HECW2: variants seen among roughly 807,000 people sequenced by gnomAD.
HECW2 encodes E3 ubiquitin-protein ligase HECW2.
A neutral mutation model predicts 175.2 loss-of-function variants in HECW2; 61 were observed. The observed-to-expected ratio is 0.35, with a 90% confidence interval of 0.28 to 0.43. HECW2 has a LOEUF of 0.43. Ranked by LOEUF, HECW2 falls within the 20% of genes least tolerant of loss-of-function variation. The pLI is 1.00. For synonymous variants in HECW2, 671 were observed against 731.0 expected, an observed-to-expected ratio of 0.92 and a Z score of 1.32; for missense variants, 1,524 against 2,000.5, an observed-to-expected ratio of 0.76 and a Z score of 4.54.
intron 1 of HECW2, among the ~76,000 whole-genome samples, chr2:196,541,389 G>C (rs1057383051): frequency 9.9e-5 from 15 of 152,084 alleles, no homozygotes; most frequent in African/African-American, 3.4e-4. Context: ...GCTCTGGAAA[G>C]GTTTAGTAAA....
At chr2:196,273,762 T>C (rs1418705925) in intron 16 of HECW2, among the ~76,000 whole-genome samples, 1 of 152,204 alleles carries the variant, frequency 6.6e-6, no homozygotes, top group African/African-American at 2.4e-5. Flanking sequence ...TTAACTTCAA[T>C]AATCTAATAT....
chr2:196,357,923 T>G (rs969509674), intron 2 of HECW2, among the ~76,000 whole-genome samples: 1 of 152,230 alleles, frequency 6.6e-6, no homozygotes, highest in African/African-American at 2.4e-5. Flanking sequence ...TGTGTATAAA[T>G]TATCCAGTCT....
intron 2 of HECW2, among the ~76,000 whole-genome samples, chr2:196,369,968 A>T (rs1016811394): frequency 6.6e-6 from 1 of 151,774 alleles, no homozygotes; most frequent in Non-Finnish European, 1.5e-5. Context: ...GCCATCTAAA[A>T]GCCAAGACCT....
intron 1 of HECW2, among the ~76,000 whole-genome samples, chr2:196,433,855 C>G (rs376505260): frequency 6.6e-6 from 1 of 152,258 alleles, no homozygotes; most frequent in South Asian, 2.1e-4. Context: ...TTTAAAATAG[C>G]GAGACACATG....
chr2:196,573,106 C>T (rs75664299), intron 1 of HECW2, among the ~76,000 whole-genome samples: 10 of 151,996 alleles, frequency 6.6e-5, no homozygotes, highest in African/African-American at 2.4e-4. Flanking sequence ...GTTTCAAGAT[C>T]TAAAAAAGAA....
intron 21 of HECW2, among the ~76,000 whole-genome samples, chr2:196,232,990 T>C (rs1298995865): frequency 6.6e-6 from 1 of 152,236 alleles, no homozygotes; most frequent in Non-Finnish European, 1.5e-5. Flanking sequence ...TAGAACTGCC[T>C]ATCTGAGAGC....
chr2:196,257,645 G>A, intron 18 of HECW2, 178 bp downstream of exon 18: 1 of 585,396 alleles, frequency 1.7e-6, no homozygotes, highest in South Asian at 2.1e-5. Context: ...TGTAACAAAT[G>A]GCAACGTGAA....
rs572017631 is a variant in HECW2, at chr2:196,394,338, T to A, written c.292+38794A>T. 5.4e-3 allele frequency among the ~76,000 whole-genome samples: 819 copies of A among 152,016 alleles called. 8 individuals are homozygous for A. The highest frequency in any genetic ancestry group is 0.02 in the Middle Eastern group (6 of 294). On this transcript the variant is annotated intron_variant, in intron 2 of 28. Coordinates refer to ENST00000644978, the MANE Select transcript of HECW2 (RefSeq NM_001348768.2). Reference sequence around the variant, plus strand: ...AGAAAAGAAAATGATCCCAGAAAAATAGTACAGGTGGTAAATGTAAAGATA... The same window carrying A: ...AGAAAAGAAAATGATCCCAGAAAAAAAGTACAGGTGGTAAATGTAAAGATA...
chr2:196,230,103 G>A (rs1043341938), intron 21 of HECW2, among the ~76,000 whole-genome samples: 1 of 152,168 alleles, frequency 6.6e-6, no homozygotes, highest in Non-Finnish European at 1.5e-5. Flanking sequence ...GCCCTCTGGG[G>A]CAGCTGAATA....
At chr2:196,435,038 G>A (rs1450682549) in intron 1 of HECW2, among the ~76,000 whole-genome samples, 1 of 152,204 alleles carries the variant, frequency 6.6e-6, no homozygotes, top group Non-Finnish European at 1.5e-5. Flanking sequence ...TATAGCACTT[G>A]CAAATGTATT....
chr2:196,209,433 T>C (rs1687183997), intron 28 of HECW2, among the ~76,000 whole-genome samples: 1 of 152,194 alleles, frequency 6.6e-6, no homozygotes, highest in African/African-American at 2.4e-5. Context: ...ATGTGATGGG[T>C]TAACTCTGGC....
chr2:196,462,497 A>C (rs1696786836), intron 1 of HECW2, among the ~76,000 whole-genome samples: 3 of 152,330 alleles, frequency 2.0e-5, no homozygotes, highest in Middle Eastern at 3.4e-3. Context: ...TGCTTTAATC[A>C]GATCTTAGGT....
chr2:196,506,482 C>T (rs1309965626), intron 1 of HECW2, among the ~76,000 whole-genome samples: 2 of 151,996 alleles, frequency 1.3e-5, no homozygotes, highest in Non-Finnish European at 2.9e-5. Context: ...CATTGAAGAC[C>T]TGGTATACAC....
chr2:196,274,184 C>T, intron 15 of HECW2, 61 bp from the exon 16 acceptor site: 1 of 1,237,566 alleles, frequency 8.1e-7, no homozygotes, highest in Non-Finnish European at 1.2e-6. Flanking sequence ...ATATCAGCAT[C>T]CCAAACCAAG....
At chr2:196,335,095 T>C (rs1382229465) in intron 3 of HECW2, among the ~76,000 whole-genome samples, 2 of 152,218 alleles carry the variant, frequency 1.3e-5, no homozygotes, top group African/African-American at 4.8e-5. Flanking sequence ...AGTGACAGGA[T>C]CTGTAAATTT....
intron 1 of HECW2, among the ~76,000 whole-genome samples, chr2:196,505,267 A>G (rs905371095): frequency 1.3e-5 from 2 of 152,322 alleles, no homozygotes; most frequent in East Asian, 3.9e-4. Context: ...GGCCAGGCAC[A>G]GTGGCTCACG....
At chr2:196,578,002 A>T (rs966523191) in intron 1 of HECW2, among the ~76,000 whole-genome samples, 6 of 152,198 alleles carry the variant, frequency 3.9e-5, no homozygotes, top group Non-Finnish European at 5.9e-5. Flanking sequence ...TGGCCCATTC[A>T]CAGGAAATAA....
intron 1 of HECW2, among the ~76,000 whole-genome samples, chr2:196,568,991 T>C (rs1008069511): frequency 6.6e-6 from 1 of 152,220 alleles, no homozygotes; most frequent in South Asian, 2.1e-4. Context: ...TCCTGTTTTT[T>C]ACTTTCAGTG....
At chr2:196,210,254 T>C (rs937658601) in intron 28 of HECW2, among the ~76,000 whole-genome samples, 15 of 149,282 alleles carry the variant, frequency 1.0e-4, no homozygotes, top group Admixed American at 8.1e-4. Context: ...AAACGGAATG[T>C]TGTTTTAAAA....
Sources: allele counts gnomAD v4.1 joint callset (sites outside exome capture counted in the v4.1 genomes callset), GRCh38; gene constraint gnomAD v4.1.1; transcripts MANE v1.5; gene names NCBI Gene and HGNC (gene_info 2026-07-23, HGNC 2026-07-21).